Variants in PCDH10 observed in about 807,000 individuals in gnomAD.
PCDH10 encodes protocadherin-10.
PCDH10 carries 15 observed loss-of-function variants against 74.4 expected under a neutral mutation model. The ratio of observed to expected loss-of-function variants is 0.20; its 90% CI spans 0.13 to 0.31. The LOEUF is 0.31. Among genes scored for constraint, PCDH10 ranks in the 10% least tolerant of loss-of-function variants. The pLI is 1.00. For synonymous variants in PCDH10, 619 were observed against 589.8 expected, an observed-to-expected ratio of 1.05 and a Z score of -0.72; for missense variants, 1,260 against 1,390.2, an observed-to-expected ratio of 0.91 and a Z score of 1.49.
At chr4:133,205,612 T>C (rs1727984011) in intron 2 of PCDH10, among the ~76,000 whole-genome samples, 2 of 152,146 alleles carry the variant, frequency 1.3e-5, no homozygotes, top group African/African-American at 2.4e-5. Flanking sequence ...TTCCCTTATT[T>C]TTCTTCATCT....
chr4:133,160,931 CA>C (rs1426433346), intron 3 of PCDH10, among the ~76,000 whole-genome samples: 6 of 151,936 alleles, frequency 3.9e-5, no homozygotes, highest in Non-Finnish European at 7.4e-5. Context: ...AATAAATAGG[CA>C]GCACTTATCA....
chr4:133,161,818 GCTT>G (rs1199265950), intron 3 of PCDH10, among the ~76,000 whole-genome samples: 2 of 152,024 alleles, frequency 1.3e-5, no homozygotes, highest in Non-Finnish European at 2.9e-5. Context: ...GAGCTGGGGA[GCTT>G]CTTAGCCATT....
chr4:133,186,844 G>A (rs548841092), intron 4 of PCDH10, among the ~76,000 whole-genome samples: 1 of 152,120 alleles, frequency 6.6e-6, no homozygotes, highest in African/African-American at 2.4e-5. Flanking sequence ...CAGCCTCCGA[G>A]GTAGCTGGGA....
At chr4:133,179,203 T>C (rs1727358297) in intron 4 of PCDH10, among the ~76,000 whole-genome samples, 1 of 152,138 alleles carries the variant, frequency 6.6e-6, no homozygotes, top group East Asian at 1.9e-4. Context: ...GGCAGGCGTA[T>C]ACTTTGTGTT....
rs1201696840 is a variant in PCDH10, at chr4:133,191,858, A to G, written c.*1698A>G. The G allele has an allele frequency of 6.6e-6, 1 of 151,586 alleles. No individual in the cohort carries two copies. The highest frequency in any genetic ancestry group is 2.4e-5 in the African/African-American group (1 of 41,360). The allele number at this position is 151,586 out of a possible 1,614,324, so 9.4% of individuals were successfully genotyped here. On this transcript the variant is annotated 3_prime_UTR_variant, in exon 5 of 5. Transcript: ENST00000264360. ...ATGACAGTTTGAGCTGCACTGTGTT[A>G]TTAAAGAATAGACTAAAACTTAACA... is the stretch of plus-strand genomic sequence containing the variant.
rs951556061 is a variant in PCDH10 at position 133,191,933 on chromosome 4, T to C, written c.*1773T>C. 1 of 147,704 alleles carries C rather than the reference T, an allele frequency of 6.8e-6. No homozygotes were observed. Among genetic ancestry groups the C allele is most frequent in the African/African-American group, 2.5e-5 (1 of 40,328 alleles). The allele number at this position is 147,704 out of a possible 1,614,324, so 9.1% of individuals were successfully genotyped here. Reference sequence around the variant, plus strand: ...TTTATGTAACTTAAGTGGAAATTTTTCCCTAGATTTAACTTTAAAATACAT... The same window carrying C: ...TTTATGTAACTTAAGTGGAAATTTTCCCCTAGATTTAACTTTAAAATACAT... On this transcript the variant is annotated 3_prime_UTR_variant, in exon 5 of 5. Coordinates refer to ENST00000264360, the MANE Select transcript of PCDH10 (RefSeq NM_032961.3).
At chr4:133,199,279 C>T (rs1436529021), downstream of PCDH10, among the ~76,000 whole-genome samples, 1 of 122,950 alleles carries the variant, frequency 8.1e-6, no homozygotes, top group Non-Finnish European at 1.7e-5. Context: ...CAGAGTGAAA[C>T]CCTGTCTCAA....
At chr4:133,171,905 G>A (rs568244570) in intron 4 of PCDH10, among the ~76,000 whole-genome samples, 2 of 151,662 alleles carry the variant, frequency 1.3e-5, no homozygotes, top group African/African-American at 2.4e-5. Context: ...TACATTAGAG[G>A]CCATAAAATA....
chr4:133,189,536 T>C (rs991313131), intron 4 of PCDH10, among the ~76,000 whole-genome samples: 3 of 152,050 alleles, frequency 2.0e-5, no homozygotes, highest in East Asian at 1.9e-4. Context: ...AATTCCTTTA[T>C]GAGAAAATGG....
At chr4:133,161,779 T>A (rs1049884861) in intron 3 of PCDH10, among the ~76,000 whole-genome samples, 3 of 152,100 alleles carry the variant, frequency 2.0e-5, no homozygotes, top group Admixed American at 6.6e-5. Flanking sequence ...TACTAGGCAC[T>A]GTCATTCCAC....
intron 2 of PCDH10, among the ~76,000 whole-genome samples, chr4:133,201,604 C>T (rs1366086391): frequency 1.3e-5 from 2 of 151,972 alleles, no homozygotes; most frequent in African/African-American, 4.8e-5. Context: ...CACCTGTAAT[C>T]CCAGCACTTT....
chr4:133,172,759 A>G (rs1243526995), intron 4 of PCDH10, among the ~76,000 whole-genome samples: 2 of 151,988 alleles, frequency 1.3e-5, no homozygotes, highest in Non-Finnish European at 2.9e-5. Context: ...TAATATAGGG[A>G]AAACCATCTG....
intron 3 of PCDH10, among the ~76,000 whole-genome samples, chr4:133,156,302 G>A (rs912478948): frequency 2.0e-4 from 31 of 152,164 alleles, no homozygotes; most frequent in African/African-American, 6.0e-4. Flanking sequence ...GCAGGAGGAA[G>A]GGAAAAAAGG....
chr4:133,155,622 G>C (rs187319208), intron 3 of PCDH10, among the ~76,000 whole-genome samples: 1 of 152,276 alleles, frequency 6.6e-6, no homozygotes, highest in Admixed American at 6.5e-5. Flanking sequence ...TGTATTTTTT[G>C]AAGTGTCCTT....
Position 133,194,251 on chromosome 4 carries a change from G to T in PCDH10, c.*4091G>T, listed in dbSNP as rs1472418718. On this transcript the variant is annotated 3_prime_UTR_variant, in exon 5 of 5. Transcript: ENST00000264360. ...TTCTTGAAAAGTTGTCACATGCTTA[G>T]TTTGAAGTTTTACTCTCCAGATGTT... The T allele has an allele frequency of 4.6e-5, 7 of 151,782 alleles. No individual in the cohort carries two copies. The highest frequency in any genetic ancestry group is 2.0e-4 in the Admixed American group (3 of 15,204). 9.4% of individuals were successfully genotyped at this position (151,782 alleles called of 1,614,324 possible). A position where few individuals can be genotyped will look rare whatever the true frequency, so the allele number is the denominator to read the frequency against.
At chr4:133,157,098 A>G (rs1726883071) in intron 3 of PCDH10, among the ~76,000 whole-genome samples, 1 of 152,204 alleles carries the variant, frequency 6.6e-6, no homozygotes, top group African/African-American at 2.4e-5. Context: ...TACAGAATTA[A>G]CAATCCTTTT....
At chr4:133,201,533 A>C (rs1259332499) in intron 2 of PCDH10, among the ~76,000 whole-genome samples, 1 of 152,088 alleles carries the variant, frequency 6.6e-6, no homozygotes, top group Non-Finnish European at 1.5e-5. Flanking sequence ...TGGGGCTGGG[A>C]CTGGAATTGA....
In PCDH10 at chr4:133,154,936, G is replaced by A. The variant is rs1321093154; in HGVS notation, c.2710G>A (p.Asp904Asn). Residue 904 changes from aspartate to asparagine, a missense_variant, in exon 3 of 5, where the codon GAC (aspartate) becomes AAC (asparagine). Around this residue, in one of 11 missense-constraint regions of PCDH10, gnomAD observed 587 missense variants for 616.9 expected, o/e 0.95. Transcript: ENST00000264360. Reference protein sequence around the residue: ...RVNSSAFQEADIVSSKDSGHG... With the variant: ...RVNSSAFQEANIVSSKDSGHG... Reference sequence around the variant, plus strand: ...TTCTAGTTCTGCATTCCAGGAAGCCGACATAGTAAGCTCTAAGGACAGTGG... The same window carrying A: ...TTCTAGTTCTGCATTCCAGGAAGCCAACATAGTAAGCTCTAAGGACAGTGG... 3 of 1,611,966 alleles carry A rather than the reference G, an allele frequency of 1.9e-6. No homozygotes were observed. The highest frequency in any genetic ancestry group is 2.5e-6 in the Non-Finnish European group (3 of 1,178,162).
intron 2 of PCDH10, among the ~76,000 whole-genome samples, chr4:133,202,575 T>C (rs550709574): frequency 7.9e-5 from 12 of 152,270 alleles, no homozygotes; most frequent in African/African-American, 2.6e-4. Flanking sequence ...ATTGTGTCTC[T>C]GTGGGGCAAG....
Sources: allele counts gnomAD v4.1 joint callset (sites outside exome capture counted in the v4.1 genomes callset), GRCh38; gene constraint gnomAD v4.1.1; regional missense constraint gnomAD v4.1.1; transcripts MANE v1.5; gene names NCBI Gene and HGNC (gene_info 2026-07-23, HGNC 2026-07-21).